Variants in GARNL3 observed in about 807,000 individuals in gnomAD.
The protein encoded by GARNL3 is GTPase activating Rap/RanGAP domain like 3, also known as GTPase-activating Rap/Ran-GAP domain-like protein 3.
GARNL3 carries 63 observed loss-of-function variants against 125.0 expected under a neutral mutation model. The ratio of observed to expected loss-of-function variants is 0.50; its 90% confidence interval spans 0.41 to 0.62. The LOEUF (loss-of-function observed/expected upper bound fraction) is 0.62, where lower values mean the gene tolerates loss of function less well. Ranked by LOEUF, GARNL3 falls within the 20% of genes least tolerant of loss-of-function variation. GARNL3 has a pLI of 0.00. For missense variants in GARNL3, 994 were observed against 1,244.0 expected (o/e 0.80, Z 3.02); for synonymous variants, 439 against 457.5 (o/e 0.96, Z 0.52).
chr9:127,325,149 A>T, intron 7 of GARNL3, 54 bp downstream of exon 7: 2 of 1,548,616 alleles, frequency 1.3e-6, no homozygotes, highest in Admixed American at 3.4e-5. Flanking sequence ...GTTTGTAAAT[A>T]TATTTCTCCT....
intron 22 of GARNL3, among the ~76,000 whole-genome samples, chr9:127,377,058 C>A (rs141463326): frequency 6.6e-6 from 1 of 152,276 alleles, no homozygotes. Flanking sequence ...GTAGGCACTC[C>A]ATAAATATCT....
chr9:127,301,541 G>A (rs900936730), intron 2 of GARNL3, among the ~76,000 whole-genome samples: 4 of 152,060 alleles, frequency 2.6e-5, no homozygotes, highest in Non-Finnish European at 4.4e-5. Flanking sequence ...AAAAGGGAGG[G>A]GAAATCCTTC....
rs371069399 is a variant in GARNL3 at position 127,393,120 on chromosome 9, G to A, written c.2908G>A (p.Glu970Lys). 1.6e-5 allele frequency: 25 copies of A among 1,607,858 alleles called. No homozygotes were observed. Among genetic ancestry groups the A allele is most frequent in the African/African-American group, 6.7e-5 (5 of 74,782 alleles). Reference protein sequence around the residue: ...SGSLESASTSEANPEGHSASS... With the variant: ...SGSLESASTSKANPEGHSASS... ...CTCCTTGGAAAGTGCTTCTACTTCC[G>A]AAGCCAACCCTGAGGGGCACTCAGC... The change falls in exon 28 of 28, where the codon GAA becomes AAA. Residue 970 changes from glutamate (E) to lysine (K), a missense_variant. By Grantham distance (56) the Glu-to-Lys change is moderately conservative (BLOSUM62 1). Transcript: ENST00000373387.
chr9:127,389,887 C>G (rs1165392659), intron 26 of GARNL3, among the ~76,000 whole-genome samples: 1 of 143,364 alleles, frequency 7.0e-6, no homozygotes, highest in Non-Finnish European at 1.5e-5. Context: ...CACCACTGCA[C>G]TCCAGCCTGG....
At chr9:127,338,244 T>G in intron 12 of GARNL3, 83 bp downstream of exon 12, 1 of 1,086,312 alleles carries the variant, frequency 9.2e-7, no homozygotes, top group Non-Finnish European at 1.4e-6. Context: ...ACTCTTGATA[T>G]ACATATTTCT....
At position 127,266,808 on chromosome 9, in the gene GARNL3, T is replaced by C. The variant is rs977360596; in HGVS notation, c.144+1787T>C. On this transcript the variant is annotated intron_variant, in intron 1 of 27. Coordinates refer to ENST00000373387, the MANE Select transcript of GARNL3 (RefSeq NM_032293.5). The surrounding 1 kb of genome is among the most constrained non-coding windows in gnomAD (Gnocchi z 4.0). The stretch of plus-strand genomic sequence containing the variant: ...TTTGGACTTGGCCTAGCAAGTAATA[T>C]GGAGCGCTTTTAAACAGTGACAACA... Among the ~76,000 whole-genome samples, 9 of 152,140 alleles carry C rather than the reference T, an allele frequency of 5.9e-5. No individual in the cohort carries two copies. The highest frequency in any genetic ancestry group is 1.0e-4 in the Non-Finnish European group (7 of 68,014).
rs539065729 is a variant in GARNL3, at chr9:127,385,927, T to C, written c.2388+782T>C. ...CGCAGTGCTCTGGAAAATGTGTGTG[T>C]GTGCACATATGTGCATATATGTATG... On this transcript the variant is annotated intron_variant, in intron 24 of 27. Transcript: ENST00000373387. The surrounding 1 kb of genome is among the most constrained non-coding windows in gnomAD (Gnocchi z 4.1). 6.6e-6 allele frequency among the ~76,000 whole-genome samples: 1 copy of C among 152,382 alleles called. No individual in the cohort carries two copies. The highest frequency in any genetic ancestry group is 2.4e-5 in the African/African-American group (1 of 41,594).
intron 3 of GARNL3, among the ~76,000 whole-genome samples, chr9:127,313,023 C>A (rs1413218155): frequency 6.6e-6 from 1 of 152,110 alleles, no homozygotes; most frequent in African/African-American, 2.4e-5. Context: ...AGGACCCAGG[C>A]CTTTTCCGTT....
Position 127,383,522 on chromosome 9 carries a change from G to T in GARNL3, c.2246G>T (p.Trp749Leu), listed in dbSNP as rs1384831275. ...TCTGCGTCAGATTTCCAGTTCTGTT[G>T]GAACCAGGCTCCCTATGCAATTGGT... ...QPSASDFQFC[W>L]NQAPYAIVCA... Residue 749 changes from tryptophan to leucine, a missense_variant, in exon 23 of 28, where the codon TGG becomes TTG. Trp to Leu is a moderately conservative substitution (Grantham distance 61). Coordinates refer to ENST00000373387, the MANE Select transcript of GARNL3 (RefSeq NM_032293.5). The T allele has an allele frequency of 3.7e-6, 6 of 1,612,844 alleles. No homozygotes were observed. The highest frequency in any genetic ancestry group is 5.1e-6 in the Non-Finnish European group (6 of 1,179,422).
rs545182388 is a variant in GARNL3, at chr9:127,268,071, C to T, written c.144+3050C>T. 2.0e-5 allele frequency among the ~76,000 whole-genome samples: 3 copies of T among 152,314 alleles called. No homozygotes were observed. In the South Asian group the frequency reaches 6.2e-4, roughly 32 times the overall value. ...ATGGGAGAACTACTTAGCATTCTTT[C>T]AACACATATTTATTGAGGGTCATCC... On this transcript the variant is annotated intron_variant, in intron 1 of 27. Transcript: ENST00000373387.
chr9:127,310,237 A>T (rs1364814441), intron 2 of GARNL3, among the ~76,000 whole-genome samples: 1 of 152,234 alleles, frequency 6.6e-6, no homozygotes, highest in Non-Finnish European at 1.5e-5. Flanking sequence ...TTTTTATAGT[A>T]ATTAAGCAAA....
intron 2 of GARNL3, among the ~76,000 whole-genome samples, chr9:127,305,599 G>T (rs762738445): frequency 6.6e-6 from 1 of 151,604 alleles, no homozygotes; most frequent in Non-Finnish European, 1.5e-5. Context: ...AAGAAACAGG[G>T]TCTTGCTCTG....
At chr9:127,336,079 T>G (rs1214035814) in intron 10 of GARNL3, 49 bp from the exon 11 acceptor site, 1 of 1,313,362 alleles carries the variant, frequency 7.6e-7, no homozygotes, top group Non-Finnish European at 1.1e-6. Context: ...TCTGTGAATG[T>G]GCCATGTTTG....
intron 22 of GARNL3, among the ~76,000 whole-genome samples, chr9:127,371,474 G>A (rs970147457): frequency 2.0e-5 from 3 of 152,228 alleles, no homozygotes; most frequent in Non-Finnish European, 2.9e-5. Context: ...TGCAGGCTGT[G>A]TGTGTCACAG....
intron 1 of GARNL3, among the ~76,000 whole-genome samples, chr9:127,275,464 A>G (rs2063930535): frequency 6.6e-6 from 1 of 152,202 alleles, no homozygotes; most frequent in Non-Finnish European, 1.5e-5. Flanking sequence ...GCTTCATCAA[A>G]GTCTCTCTTG....
intron 4 of GARNL3, among the ~76,000 whole-genome samples, chr9:127,314,984 G>A (rs910574909): frequency 2.6e-5 from 4 of 152,134 alleles, no homozygotes; most frequent in Non-Finnish European, 5.9e-5. Context: ...GACAAACAAG[G>A]GTTACTCATA....
At chr9:127,351,060 A>G (rs1269133634) in intron 17 of GARNL3, among the ~76,000 whole-genome samples, 1 of 152,220 alleles carries the variant, frequency 6.6e-6, no homozygotes, top group African/African-American at 2.4e-5. Context: ...CAGATTTCCA[A>G]AAATATAGCC....
rs2063699460 is a variant in GARNL3, at chr9:127,266,080, A to C, written c.144+1059A>C. Among the ~76,000 whole-genome samples, 1 of 152,272 alleles carries C rather than the reference A, an allele frequency of 6.6e-6. No homozygotes were observed. Among genetic ancestry groups the C allele is most frequent in the Non-Finnish European group, 1.5e-5 (1 of 68,048 alleles). ...AATTTAGCCACATAAAAGATACCTC[A>C]GTTGATTCAGTCAACACCTGTTCTG... On this transcript the variant is annotated intron_variant, in intron 1 of 27. Coordinates refer to ENST00000373387, the MANE Select transcript of GARNL3 (RefSeq NM_032293.5). This position sits in a 1 kb window ranked among gnomAD's most constrained non-coding sequence, Gnocchi z 4.0.
At chr9:127,267,721 T>C (rs77163753) in intron 1 of GARNL3, among the ~76,000 whole-genome samples, 5,683 of 152,268 alleles carry the variant, frequency 0.037, 357 homozygotes, top group African/African-American at 0.13. Context: ...AGAGTATTAT[T>C]AAATTACAAA....
Sources: gnomAD v4.1 joint callset for allele counts (sites outside exome capture counted in the v4.1 genomes callset) on GRCh38, gnomAD v4.1.1 for gene constraint, Gnocchi (gnomAD v3.1) non-coding constraint, MANE v1.5 for transcripts, NCBI Gene and HGNC (gene_info 2026-07-23, HGNC 2026-07-21) for gene names.